The following BABAM2 variants were observed in gnomAD, a reference collection of about 807,000 sequenced individuals.
BABAM2 encodes the protein BRISC and BRCA1 A complex member 2, also known as BRISC and BRCA1-A complex member 2.
Under a neutral mutation model 54.7 loss-of-function variants are expected in BABAM2, and 31 were observed. The observed-to-expected ratio is 0.57, with a 90% CI of 0.43 to 0.77. The LOEUF (loss-of-function observed/expected upper bound fraction) is 0.77, where lower values mean the gene tolerates loss of function less well. Ranked by LOEUF, BABAM2 falls within the 30% of genes least tolerant of loss-of-function variation. BABAM2 has a pLI of 0.00. For synonymous variants in BABAM2, 167 were observed against 162.9 expected, an observed-to-expected ratio of 1.03 and a Z score of -0.19; for missense variants, 364 against 455.8, an observed-to-expected ratio of 0.80 and a Z score of 1.83.
chr2:28,076,364 A>G (rs1042716201), intron 6 of BABAM2, among the ~76,000 whole-genome samples: 3 of 152,090 alleles, frequency 2.0e-5, no homozygotes, highest in African/African-American at 4.8e-5. Context: ...TTAGATAAAA[A>G]ATTTTTATGG....
chr2:28,179,205 G>A (rs1028315426), intron 7 of BABAM2, among the ~76,000 whole-genome samples: 1 of 151,844 alleles, frequency 6.6e-6, no homozygotes, highest in Non-Finnish European at 1.5e-5. Context: ...TGGCAGGCTA[G>A]TGATGAACAC....
chr2:28,170,284 A>G (rs1005630764), intron 7 of BABAM2, among the ~76,000 whole-genome samples: 2 of 152,072 alleles, frequency 1.3e-5, no homozygotes, highest in Non-Finnish European at 2.9e-5. Flanking sequence ...GTATATCAAA[A>G]TTAATAGTGG....
chr2:27,985,094 TG>T (rs891434452), intron 3 of BABAM2, among the ~76,000 whole-genome samples: 7 of 151,476 alleles, frequency 4.6e-5, no homozygotes, highest in African/African-American at 1.7e-4. Flanking sequence ...TGTGTGTGTG[TG>T]TGTAGCTACG....
At chr2:28,267,268 G>T (rs960200144) in intron 10 of BABAM2, among the ~76,000 whole-genome samples, 1 of 152,074 alleles carries the variant, frequency 6.6e-6, no homozygotes, top group Non-Finnish European at 1.5e-5. Context: ...CAACAACCAG[G>T]ATAGGATACT....
At chr2:28,288,387 G>A (rs942931758) in intron 10 of BABAM2, among the ~76,000 whole-genome samples, 27 of 148,956 alleles carry the variant, frequency 1.8e-4, no homozygotes, top group African/African-American at 6.2e-4. Context: ...GTGCAATGGC[G>A]TGATCTCACC....
At chr2:28,186,607 G>A (rs76616606) in intron 7 of BABAM2, among the ~76,000 whole-genome samples, 1,569 of 151,986 alleles carry the variant, frequency 0.01, 28 homozygotes, top group African/African-American at 0.036. Context: ...CACAGAGACA[G>A]AGACAGAGAG....
At chr2:28,154,303 T>A (rs778009846) in intron 7 of BABAM2, among the ~76,000 whole-genome samples, 2 of 152,250 alleles carry the variant, frequency 1.3e-5, no homozygotes, top group African/African-American at 2.4e-5. Context: ...CCTCATTTTA[T>A]GAATTCAAAA....
chr2:28,111,577 T>G (rs1178197972), intron 6 of BABAM2, among the ~76,000 whole-genome samples: 1 of 152,232 alleles, frequency 6.6e-6, no homozygotes, highest in African/African-American at 2.4e-5. Flanking sequence ...TATCTTCCAC[T>G]CTCCTAGACC....
intron 7 of BABAM2, among the ~76,000 whole-genome samples, chr2:28,211,502 C>A (rs1348967348): frequency 6.7e-6 from 1 of 148,634 alleles, no homozygotes; most frequent in Non-Finnish European, 1.5e-5. Flanking sequence ...ATTCTCCTGC[C>A]TCAGCCTCCC....
chr2:27,929,061 A>AG (rs1667916844), intron 2 of BABAM2, among the ~76,000 whole-genome samples: 1 of 150,082 alleles, frequency 6.7e-6, no homozygotes, highest in Non-Finnish European at 1.5e-5. Flanking sequence ...TAAAAAAAAA[A>AG]AAAAAAAAAA....
At chr2:28,052,118 T>C (rs142254870) in intron 6 of BABAM2, among the ~76,000 whole-genome samples, 91 of 152,270 alleles carry the variant, frequency 6.0e-4, no homozygotes, top group African/African-American at 2.1e-3. Flanking sequence ...TTGGTGTTCA[T>C]GAGGATATGA....
At chr2:27,913,327 CTT>C (rs1311513359) in intron 2 of BABAM2, among the ~76,000 whole-genome samples, 1 of 152,114 alleles carries the variant, frequency 6.6e-6, no homozygotes, top group African/African-American at 2.4e-5. Context: ...GACCTGCTCT[CTT>C]TGAATAGCAC....
intron 5 of BABAM2, among the ~76,000 whole-genome samples, chr2:28,042,752 A>C (rs1243814950): frequency 6.6e-6 from 1 of 152,168 alleles, no homozygotes; most frequent in Non-Finnish European, 1.5e-5. Context: ...AAGGATATGA[A>C]GTGAATGGAA....
intron 6 of BABAM2, among the ~76,000 whole-genome samples, chr2:28,054,660 C>A (rs557410942): frequency 6.6e-6 from 1 of 152,192 alleles, no homozygotes; most frequent in Non-Finnish European, 1.5e-5. Context: ...GAAACAGGCC[C>A]TCACCAGACA....
At chr2:28,202,014 C>T (rs1256306332) in intron 7 of BABAM2, among the ~76,000 whole-genome samples, 1 of 152,136 alleles carries the variant, frequency 6.6e-6, no homozygotes, top group South Asian at 2.1e-4. Flanking sequence ...TTGGGAATTG[C>T]AGGTCAGGAG....
At chr2:28,071,473 G>T (rs1165507966) in intron 6 of BABAM2, among the ~76,000 whole-genome samples, 1 of 152,158 alleles carries the variant, frequency 6.6e-6, no homozygotes, top group African/African-American at 2.4e-5. Context: ...AGTGTTATTG[G>T]TGGTGATGTG....
At chr2:28,028,619 T>C (rs1433879131) in intron 5 of BABAM2, among the ~76,000 whole-genome samples, 1 of 152,224 alleles carries the variant, frequency 6.6e-6, no homozygotes, top group Non-Finnish European at 1.5e-5. Flanking sequence ...TGGTATTCCA[T>C]AAACGTTTTT....
At chr2:28,300,935 TAA>T (rs904141649) in intron 11 of BABAM2, among the ~76,000 whole-genome samples, 2 of 152,172 alleles carry the variant, frequency 1.3e-5, no homozygotes, top group Non-Finnish European at 2.9e-5. Context: ...AGAAATAGTT[TAA>T]GTTTCCATTC....
chr2:28,128,759 C>A (rs1669785308), intron 6 of BABAM2, among the ~76,000 whole-genome samples: 1 of 151,980 alleles, frequency 6.6e-6, no homozygotes, highest in Admixed American at 6.6e-5. Context: ...TATCATTTTG[C>A]CAAAGTAGAT....
Sources: allele counts gnomAD v4.1 joint callset (sites outside exome capture counted in the v4.1 genomes callset), GRCh38; gene constraint gnomAD v4.1.1; transcripts MANE v1.5; gene names NCBI Gene and HGNC (gene_info 2026-07-23, HGNC 2026-07-21).